Variants in SLC5A4 observed in about 807,000 individuals in gnomAD.
SLC5A4 encodes solute carrier family 5 member 4.
A neutral mutation model predicts 70.3 loss-of-function variants in SLC5A4; 55 were observed. The ratio of observed to expected loss-of-function variants is 0.78; its 90% CI spans 0.63 to 0.98. SLC5A4 has a LOEUF of 0.98. Among genes scored for constraint, SLC5A4 ranks in the 50% least tolerant of loss-of-function variants. SLC5A4 has a pLI of 0.00. For synonymous variants in SLC5A4, 268 were observed against 305.7 expected, an observed-to-expected ratio of 0.88 and a Z score of 1.29; for missense variants, 735 against 839.2, an observed-to-expected ratio of 0.88 and a Z score of 1.53.
chr22:32,335,621 G>C, the SLC5A4 span, among the ~76,000 whole-genome samples: 1 of 152,188 alleles, frequency 6.6e-6, no homozygotes, highest in African/African-American at 2.4e-5. Context: ...ACTTGCCCAA[G>C]GACACACAGC....
chr22:32,301,950 T>C, the SLC5A4 span, among the ~76,000 whole-genome samples: 3 of 151,970 alleles, frequency 2.0e-5, no homozygotes, highest in East Asian at 5.8e-4. Flanking sequence ...AAGAATGAAG[T>C]TGGACCTCTA....
upstream of SLC5A4, among the ~76,000 whole-genome samples, chr22:32,257,383 C>T (rs1927540132): frequency 6.6e-6 from 1 of 152,176 alleles, no homozygotes; most frequent in Admixed American, 6.5e-5. Flanking sequence ...GAGACAGGGT[C>T]TCATTCTGTC....
chr22:32,309,071 GC>G, the SLC5A4 span, among the ~76,000 whole-genome samples: 2 of 152,156 alleles, frequency 1.3e-5, no homozygotes, highest in Admixed American at 1.3e-4. Flanking sequence ...GTTATGGTCA[GC>G]TGCTGGCCTG....
At chr22:32,304,410 G>A in the SLC5A4 span, among the ~76,000 whole-genome samples, 1 of 151,778 alleles carries the variant, frequency 6.6e-6, no homozygotes. Flanking sequence ...CAAAAGTACT[G>A]GGATTACAGG....
the SLC5A4 span, among the ~76,000 whole-genome samples, chr22:32,330,140 G>T: frequency 7.5e-6 from 1 of 133,728 alleles, no homozygotes; most frequent in Non-Finnish European, 1.6e-5. Flanking sequence ...TGTCAGGGGG[G>T]CTCTGTGCGT....
the SLC5A4 span, among the ~76,000 whole-genome samples, chr22:32,284,082 A>G: frequency 6.6e-6 from 1 of 152,356 alleles, no homozygotes; most frequent in East Asian, 1.9e-4. Context: ...ACATTAATAA[A>G]TAATTGCATA....
chr22:32,270,344 C>T, the SLC5A4 span: 53 of 1,126,264 alleles, frequency 4.7e-5, no homozygotes, highest in Middle Eastern at 4.1e-4. Context: ...GGGGCTCTGT[C>T]GGTGCTGCAG....
the SLC5A4 span, among the ~76,000 whole-genome samples, chr22:32,260,638 G>T: frequency 6.6e-6 from 1 of 152,280 alleles, no homozygotes; most frequent in South Asian, 2.1e-4. Flanking sequence ...ATGGAGGGTG[G>T]CAGTGGCAGA....
At chr22:32,309,221 T>C in the SLC5A4 span, among the ~76,000 whole-genome samples, 1 of 152,064 alleles carries the variant, frequency 6.6e-6, no homozygotes, top group Non-Finnish European at 1.5e-5. Flanking sequence ...AAACACACAA[T>C]AATCACACCA....
chr22:32,289,587 G>C, the SLC5A4 span, among the ~76,000 whole-genome samples: 1 of 152,248 alleles, frequency 6.6e-6, no homozygotes, highest in Non-Finnish European at 1.5e-5. Flanking sequence ...TTCTGCCTCA[G>C]CTTCCTGAGT....
chr22:32,308,243 A>AG, the SLC5A4 span, among the ~76,000 whole-genome samples: 3 of 152,204 alleles, frequency 2.0e-5, no homozygotes, highest in African/African-American at 7.2e-5. Flanking sequence ...GGACCAGTAC[A>AG]CCCAAGTTGA....
At chr22:32,337,033 G>A in the SLC5A4 span, among the ~76,000 whole-genome samples, 2 of 152,374 alleles carry the variant, frequency 1.3e-5, no homozygotes, top group African/African-American at 2.4e-5. Context: ...GGATGCCTAA[G>A]ACGTTTCCTT....
chr22:32,227,444 AT>A (rs1282364319), intron 11 of SLC5A4, among the ~76,000 whole-genome samples: 1 of 152,162 alleles, frequency 6.6e-6, no homozygotes, highest in Non-Finnish European at 1.5e-5. Context: ...AAGTGTTTTA[AT>A]TTACTAAAGC....
Position 32,254,188 on chromosome 22 carries a change from G to A in SLC5A4, c.161C>T (p.Thr54Ile). ...ACCAGCGAGGAAGAAGCCTCCTATA[G>A]TACCTCGGTTGGTCTTCAGCATCGC... ...LWAMLKTNRGTIGGFFLAGRD... is the reference protein window; with the variant it reads ...LWAMLKTNRGIIGGFFLAGRD... Residue 54 changes from threonine to isoleucine, a missense_variant, in exon 2 of 15, where the codon ACT becomes ATT. Physicochemically the swap from Thr to Ile is moderately conservative, Grantham distance 89. Transcript: ENST00000266086. 1.2e-6 allele frequency: 2 copies of A among 1,613,964 alleles called. No homozygotes were observed. The highest frequency in any genetic ancestry group is 2.2e-5 in the East Asian group (1 of 44,862).
chr22:32,270,488 C>T, the SLC5A4 span: 379 of 794,208 alleles, frequency 4.8e-4, 5 homozygotes, highest in Middle Eastern at 7.9e-3. Context: ...GAACCCAGCA[C>T]CCCCGAAGCG....
chr22:32,297,184 G>A, the SLC5A4 span, among the ~76,000 whole-genome samples: 1 of 151,820 alleles, frequency 6.6e-6, no homozygotes, highest in Non-Finnish European at 1.5e-5. Flanking sequence ...AGTTAGGGAG[G>A]ATTCCCTCTT....
chr22:32,305,599 C>A, the SLC5A4 span, among the ~76,000 whole-genome samples: 1 of 148,100 alleles, frequency 6.8e-6, no homozygotes, highest in South Asian at 2.2e-4. Flanking sequence ...TCTGGTGCCG[C>A]TTTTCTCCAC....
At chr22:32,312,012 T>C in the SLC5A4 span, among the ~76,000 whole-genome samples, 2 of 152,028 alleles carry the variant, frequency 1.3e-5, no homozygotes, top group African/African-American at 4.8e-5. Context: ...TCTGCAGCTT[T>C]TTCTGCAGGG....
At chr22:32,304,033 T>C in the SLC5A4 span, among the ~76,000 whole-genome samples, 1 of 152,174 alleles carries the variant, frequency 6.6e-6, no homozygotes, top group South Asian at 2.1e-4. Context: ...TAATTTGCAT[T>C]TCTGATGACA....
Sources: allele counts gnomAD v4.1 joint callset (sites outside exome capture counted in the v4.1 genomes callset), GRCh38; gene constraint gnomAD v4.1.1; transcripts MANE v1.5; gene names NCBI Gene and HGNC (gene_info 2026-07-23, HGNC 2026-07-21).